Variants in GNB1 observed in about 807,000 individuals in gnomAD.
GNB1 encodes guanine nucleotide-binding protein G(I)/G(S)/G(T) subunit beta-1.
In GNB1, 2 loss-of-function variants were observed where a neutral mutation model predicts 42.9. The ratio of observed to expected loss-of-function variants is 0.05; its 90% CI spans 0.02 to 0.15. The LOEUF (loss-of-function observed/expected upper bound fraction) is 0.15, where lower values mean the gene tolerates loss of function less well. GNB1 is among the 10% of genes least tolerant of loss of function. The pLI is 1.00. For missense variants in GNB1, 193 were observed against 462.2 expected, an observed-to-expected ratio of 0.42 and a Z score of 5.34; for synonymous variants, 183 against 174.7, an observed-to-expected ratio of 1.05 and a Z score of -0.38.
chr1:1,864,314 C>CAAAAAAAAAAAAAAAA (rs1173466617), intron 1 of GNB1, among the ~76,000 whole-genome samples: 16 of 37,930 alleles, frequency 4.2e-4, no homozygotes, highest in East Asian at 1.2e-3. Flanking sequence ...AAGACTCTCT[C>CAAAAAAAAAAAAAAAA]AAAAAAAAAA....
intron 7 of GNB1, among the ~76,000 whole-genome samples, chr1:1,801,442 G>A (rs1030139938): frequency 6.6e-6 from 1 of 152,204 alleles, no homozygotes; most frequent in Non-Finnish European, 1.5e-5. Context: ...CAGGTGTGAT[G>A]CATATGAAAA....
At position 1,797,067 on chromosome 1, in the gene GNB1, C is replaced by T. The variant is rs1646556145; in HGVS notation, c.431-3756G>A. On this transcript the variant is annotated intron_variant, in intron 7 of 11. Transcript: ENST00000378609. ...GCACACACTGCTCTACCCAGCATGG[C>T]TGCCGACCCAAAGACAGCAAAGCCA... 3.3e-5 allele frequency among the ~76,000 whole-genome samples: 5 copies of T among 152,286 alleles called. No homozygotes were observed. The South Asian group carries it at 1.0e-3, about 32-fold the overall frequency.
intron 3 of GNB1, among the ~76,000 whole-genome samples, chr1:1,824,698 G>A (rs1646974008): frequency 6.6e-6 from 1 of 151,970 alleles, no homozygotes; most frequent in Admixed American, 6.6e-5. Context: ...TTAGCCTCCT[G>A]AGTAGCTGGG....
At chr1:1,868,178 T>G (rs1025989350) in intron 1 of GNB1, among the ~76,000 whole-genome samples, 2 of 152,138 alleles carry the variant, frequency 1.3e-5, no homozygotes, top group African/African-American at 2.4e-5. Flanking sequence ...GTGTTTTGTT[T>G]TTTTGTTTTT....
chr1:1,859,337 A>C (rs576049817), intron 1 of GNB1, among the ~76,000 whole-genome samples: 1 of 152,204 alleles, frequency 6.6e-6, no homozygotes, highest in South Asian at 2.1e-4. Context: ...TTAGTTTTCA[A>C]ATGGCTACCC....
intron 8 of GNB1, among the ~76,000 whole-genome samples, chr1:1,792,526 G>A (rs1468495225): frequency 3.3e-5 from 5 of 151,676 alleles, no homozygotes; most frequent in South Asian, 2.1e-4. Flanking sequence ...GTGAAATCCC[G>A]TCTCTACTGA....
At chr1:1,887,207 G>C (rs535967741) in intron 1 of GNB1, among the ~76,000 whole-genome samples, 1 of 152,170 alleles carries the variant, frequency 6.6e-6, no homozygotes, top group Non-Finnish European at 1.5e-5. Flanking sequence ...AGACCAACAT[G>C]AGCCAAATCT....
Position 1,786,972 on chromosome 1 carries a change from G to A in GNB1, c.*91C>T, listed in dbSNP as rs772959300. Reference sequence around the variant, plus strand: ...CTGAGGGGAGGTGTAGGGTGTCCACGTTAGTACGGTTGGATAGGATATGCT... The same window carrying A: ...CTGAGGGGAGGTGTAGGGTGTCCACATTAGTACGGTTGGATAGGATATGCT... On this transcript the variant is annotated 3_prime_UTR_variant, in exon 12 of 12. Transcript: ENST00000378609. The A allele has an allele frequency of 5.3e-5, 9 of 169,100 alleles. No homozygotes were observed. The highest frequency in any genetic ancestry group is 7.6e-5 in the Non-Finnish European group (6 of 78,628). 10.5% of individuals were successfully genotyped at this position (169,100 alleles called of 1,614,324 possible).
intron 7 of GNB1, among the ~76,000 whole-genome samples, chr1:1,798,487 G>A (rs913914192): frequency 6.6e-6 from 1 of 152,208 alleles, no homozygotes; most frequent in African/African-American, 2.4e-5. Flanking sequence ...ACTGACAGCT[G>A]TGCACGCTGT....
chr1:1,803,867 A>C (rs1646658621), intron 7 of GNB1, among the ~76,000 whole-genome samples: 1 of 151,710 alleles, frequency 6.6e-6, no homozygotes, highest in African/African-American at 2.4e-5. Context: ...CTGTGGTCCC[A>C]GCTACTTGGG....
intron 7 of GNB1, among the ~76,000 whole-genome samples, chr1:1,804,036 G>GT (rs1258439359): frequency 3.1e-5 from 4 of 129,868 alleles, no homozygotes; most frequent in Admixed American, 8.7e-5. Flanking sequence ...GCTCACACCT[G>GT]TAATCCCAGC....
At chr1:1,812,684 T>C (rs566654755) in intron 5 of GNB1, among the ~76,000 whole-genome samples, 1 of 152,240 alleles carries the variant, frequency 6.6e-6, no homozygotes, top group Admixed American at 6.5e-5. Flanking sequence ...GCTCACAGGG[T>C]GGCCATGATT....
At chr1:1,812,384 G>GTA (rs1169147785) in intron 5 of GNB1, among the ~76,000 whole-genome samples, 3 of 129,864 alleles carry the variant, frequency 2.3e-5, no homozygotes, top group Non-Finnish European at 4.9e-5. Context: ...AGATATACAT[G>GTA]TATATATATA....
At chr1:1,870,848 G>C (rs1396019161) in intron 1 of GNB1, among the ~76,000 whole-genome samples, 1 of 152,076 alleles carries the variant, frequency 6.6e-6, no homozygotes, top group African/African-American at 2.4e-5. Context: ...TGAGGCAGGA[G>C]AATCGCTTGA....
intron 1 of GNB1, among the ~76,000 whole-genome samples, chr1:1,884,099 G>A (rs192602980): frequency 1.3e-5 from 2 of 150,168 alleles, no homozygotes; most frequent in African/African-American, 4.9e-5. Context: ...CCGAGTAGCT[G>A]AGATTACAGG....
chr1:1,840,969 G>A (rs943869781), intron 1 of GNB1, among the ~76,000 whole-genome samples: 3 of 152,152 alleles, frequency 2.0e-5, no homozygotes, highest in Non-Finnish European at 4.4e-5. Flanking sequence ...TCAGTTCACT[G>A]GAACCTCCGA....
intron 2 of GNB1, among the ~76,000 whole-genome samples, chr1:1,826,998 G>A (rs964999081): frequency 9.9e-5 from 15 of 152,184 alleles, no homozygotes; most frequent in African/African-American, 3.6e-4. Context: ...TACGGCTTAT[G>A]CAAGCACTTC....
At chr1:1,819,739 G>A (rs1043103643) in intron 3 of GNB1, among the ~76,000 whole-genome samples, 5 of 147,310 alleles carry the variant, frequency 3.4e-5, no homozygotes, top group South Asian at 2.1e-4. Flanking sequence ...TGGGGATCTC[G>A]TCATGTTGCC....
intron 1 of GNB1, among the ~76,000 whole-genome samples, chr1:1,845,552 G>T (rs141694617): frequency 0.013 from 1,945 of 152,158 alleles, 23 homozygotes; most frequent in Non-Finnish European, 0.017. Flanking sequence ...CAGCCTGGGT[G>T]ACAGTGCGAG....
Sources: gnomAD v4.1 joint callset for allele counts (sites outside exome capture counted in the v4.1 genomes callset) on GRCh38, gnomAD v4.1.1 for gene constraint, MANE v1.5 for transcripts, NCBI Gene and HGNC (gene_info 2026-07-23, HGNC 2026-07-21) for gene names.